Variants in ARHGAP42 observed in about 807,000 individuals in gnomAD.
The protein encoded by ARHGAP42 is rho GTPase-activating protein 42.
In ARHGAP42, 63 loss-of-function variants were observed where a neutral mutation model predicts 125.0. That is an observed-to-expected ratio of 0.50 (90% CI 0.41 to 0.62). The LOEUF (loss-of-function observed/expected upper bound fraction) is 0.62. ARHGAP42 is among the 20% of genes least tolerant of loss of function. The probability of loss-of-function intolerance (pLI) is 0.00; values close to 1 mark genes in which losing one functional copy is unlikely to be tolerated. For synonymous variants in ARHGAP42, 339 were observed against 351.0 expected, an observed-to-expected ratio of 0.97 and a Z score of 0.38; for missense variants, 766 against 1,024.2, an observed-to-expected ratio of 0.75 and a Z score of 3.44.
chr11:100,773,161 A>AT (rs1313375182), intron 2 of ARHGAP42, among the ~76,000 whole-genome samples: 1 of 152,118 alleles, frequency 6.6e-6, no homozygotes, highest in East Asian at 1.9e-4. Context: ...TTAAGCTATA[A>AT]ATTCCATGAA....
At chr11:100,698,543 C>T (rs564264926) in intron 1 of ARHGAP42, among the ~76,000 whole-genome samples, 12 of 152,026 alleles carry the variant, frequency 7.9e-5, no homozygotes, top group Non-Finnish European at 1.2e-4. Flanking sequence ...GGCATGGTGG[C>T]GCATGCCTGT....
chr11:100,689,329 C>T (rs1861147731), intron 1 of ARHGAP42, among the ~76,000 whole-genome samples: 1 of 152,214 alleles, frequency 6.6e-6, no homozygotes, highest in African/African-American at 2.4e-5. Flanking sequence ...AACCTCTTTG[C>T]ATCTAAGAGA....
In ARHGAP42 at chr11:100,950,035, T is replaced by C. The variant is rs1024268280; in HGVS notation, c.1162+79T>C. On this transcript the variant is annotated intron_variant, in intron 12 of 23. Transcript: ENST00000298815. ...AAAAGCATTAGGTGATTGTAAGTAT[T>C]CTGGGGAAATAGTATAACACCATTG... is the stretch of plus-strand genomic sequence containing the variant. 3 of 860,848 alleles carry C rather than the reference T, an allele frequency of 3.5e-6. No homozygotes were observed. The African/African-American group carries it at 5.1e-5, about 15-fold the overall frequency. The allele number at this position is 860,848 out of a possible 1,614,324, so 53.3% of individuals were successfully genotyped here.
intron 1 of ARHGAP42, among the ~76,000 whole-genome samples, chr11:100,709,257 C>T (rs988599012): frequency 1.6e-4 from 25 of 152,262 alleles, no homozygotes; most frequent in African/African-American, 5.8e-4. Flanking sequence ...CCAGGCTGGT[C>T]TTGAACTCTT....
At chr11:100,857,688 C>T (rs965729731) in intron 3 of ARHGAP42, among the ~76,000 whole-genome samples, 1 of 152,086 alleles carries the variant, frequency 6.6e-6, no homozygotes, top group East Asian at 1.9e-4. Context: ...TACTAAAGTT[C>T]CAGTGGCTGA....
intron 1 of ARHGAP42, among the ~76,000 whole-genome samples, chr11:100,753,350 G>A (rs1027209753): frequency 1.3e-5 from 2 of 152,170 alleles, no homozygotes; most frequent in African/African-American, 4.8e-5. Flanking sequence ...CTGAATTCCA[G>A]GCCGTCTTTG....
intron 6 of ARHGAP42, among the ~76,000 whole-genome samples, chr11:100,924,800 A>G (rs1039113332): frequency 1.3e-5 from 2 of 152,096 alleles, no homozygotes; most frequent in African/African-American, 4.8e-5. Context: ...TTATTGTTTT[A>G]AAAGCATACC....
At chr11:100,972,666 TGTTGTGACCTCAAAATACAC>T (rs1858281147) in intron 17 of ARHGAP42, among the ~76,000 whole-genome samples, 1 of 152,194 alleles carries the variant, frequency 6.6e-6, no homozygotes, top group South Asian at 2.1e-4. Context: ...GTCCTGAATT[TGTTGTGACCTCAAAATACAC>T]GTTTCTTTAG....
intron 3 of ARHGAP42, among the ~76,000 whole-genome samples, chr11:100,827,002 C>CTTTTTTTTTT (rs869260353): frequency 9.9e-5 from 8 of 80,888 alleles, no homozygotes; most frequent in South Asian, 5.1e-4. Context: ...GCCTTACATC[C>CTTTTTTTTTT]TTTTTTTTTT....
chr11:100,961,842 C>T (rs1033948407), intron 15 of ARHGAP42, 74 bp downstream of exon 15: 1 of 1,265,658 alleles, frequency 7.9e-7, no homozygotes, highest in African/African-American at 1.5e-5. Context: ...CACGTGATTT[C>T]TTGGAGCCTG....
chr11:100,869,547 C>T (rs1216228245), intron 4 of ARHGAP42, among the ~76,000 whole-genome samples: 1 of 152,038 alleles, frequency 6.6e-6, no homozygotes, highest in Admixed American at 6.6e-5. Flanking sequence ...CAGTAGTTAT[C>T]TCTGCATTCC....
At chr11:100,910,819 C>T (rs568369444) in intron 4 of ARHGAP42, among the ~76,000 whole-genome samples, 2 of 152,004 alleles carry the variant, frequency 1.3e-5, no homozygotes, top group Admixed American at 6.6e-5. Flanking sequence ...ACTGAGTGTG[C>T]TTTTGTTACC....
At chr11:100,966,732 A>G (rs996089875) in intron 17 of ARHGAP42, among the ~76,000 whole-genome samples, 16 of 152,160 alleles carry the variant, frequency 1.1e-4, no homozygotes, top group Non-Finnish European at 2.9e-5. Context: ...TCTATCTACT[A>G]TCTATCTTTC....
intron 4 of ARHGAP42, among the ~76,000 whole-genome samples, chr11:100,911,345 A>G (rs969928046): frequency 2.0e-5 from 3 of 152,178 alleles, no homozygotes. Flanking sequence ...GTATACATAA[A>G]ATCTCTGCTG....
At chr11:100,838,866 A>C (rs1045565388) in intron 3 of ARHGAP42, among the ~76,000 whole-genome samples, 3 of 152,130 alleles carry the variant, frequency 2.0e-5, no homozygotes, top group African/African-American at 7.2e-5. Context: ...AGCCTAGCTT[A>C]ATTCTTAGGA....
At chr11:100,734,954 G>T (rs1051833316) in intron 1 of ARHGAP42, among the ~76,000 whole-genome samples, 2 of 152,128 alleles carry the variant, frequency 1.3e-5, no homozygotes, top group African/African-American at 4.8e-5. Context: ...ATGCAGAAGT[G>T]AAACTGAAAT....
intron 3 of ARHGAP42, among the ~76,000 whole-genome samples, chr11:100,855,563 G>T (rs146602840): frequency 3.8e-4 from 57 of 151,872 alleles, no homozygotes; most frequent in Non-Finnish European, 7.1e-4. Context: ...TGATTATGTG[G>T]GGGAAAAAAA....
chr11:100,715,487 A>T (rs534786062), intron 1 of ARHGAP42, among the ~76,000 whole-genome samples: 1 of 152,136 alleles, frequency 6.6e-6, no homozygotes, highest in African/African-American at 2.4e-5. Flanking sequence ...CTGGCTTGCC[A>T]TGGATTTTAG....
chr11:100,752,996 T>A (rs1862494284), intron 1 of ARHGAP42, among the ~76,000 whole-genome samples: 1 of 152,172 alleles, frequency 6.6e-6, no homozygotes, highest in African/African-American at 2.4e-5. Flanking sequence ...ACCCAGGGGA[T>A]GTACTCTGGT....
Sources: allele counts gnomAD v4.1 joint callset (sites outside exome capture counted in the v4.1 genomes callset), GRCh38; gene constraint gnomAD v4.1.1; transcripts MANE v1.5; gene names NCBI Gene and HGNC (gene_info 2026-07-23, HGNC 2026-07-21).